Variants in HMCN1 observed in about 807,000 individuals in gnomAD.
HMCN1 encodes hemicentin 1, also known as hemicentin-1.
Under a neutral mutation model 625.9 loss-of-function variants are expected in HMCN1, and 321 were observed. The observed-to-expected ratio is 0.51, with a 90% CI of 0.47 to 0.56. HMCN1 has a LOEUF of 0.56. Ranked by LOEUF, HMCN1 falls within the 20% of genes least tolerant of loss-of-function variation. The pLI is 0.00. For missense variants in HMCN1, 6,588 were observed against 6,887.3 expected, an observed-to-expected ratio of 0.96 and a Z score of 1.54; for synonymous variants, 2,425 against 2,417.6, an observed-to-expected ratio of 1.00 and a Z score of -0.09.
chr1:185,896,029 A>G (rs112996014), intron 4 of HMCN1, among the ~76,000 whole-genome samples: 9,591 of 151,428 alleles, frequency 0.063, 1,067 homozygotes, highest in African/African-American at 0.22. Flanking sequence ...TCTGCCTCCC[A>G]GGTTCGCACC....
At chr1:185,971,137 G>A (rs1298804142) in intron 15 of HMCN1, among the ~76,000 whole-genome samples, 1 of 152,186 alleles carries the variant, frequency 6.6e-6, no homozygotes, top group East Asian at 1.9e-4. Context: ...TCCCTACGAA[G>A]AGTCATCCAT....
intron 24 of HMCN1, among the ~76,000 whole-genome samples, chr1:185,996,984 A>C (rs1298240210): frequency 2.0e-5 from 3 of 152,176 alleles, no homozygotes; most frequent in Non-Finnish European, 4.4e-5. Flanking sequence ...AAAGGGGAAC[A>C]TGTTTGAGAA....
At chr1:185,875,317 A>AT (rs1663861962) in intron 4 of HMCN1, among the ~76,000 whole-genome samples, 2 of 152,016 alleles carry the variant, frequency 1.3e-5, no homozygotes, top group African/African-American at 2.4e-5. Context: ...AACACACCTC[A>AT]TATACTCATG....
chr1:185,995,569 A>C (rs1263529177), intron 24 of HMCN1, among the ~76,000 whole-genome samples: 1 of 152,156 alleles, frequency 6.6e-6, no homozygotes. Flanking sequence ...TGTCATGTTT[A>C]GGCGGTGATG....
chr1:185,796,789 A>G (rs1658415507), intron 1 of HMCN1, among the ~76,000 whole-genome samples: 1 of 152,228 alleles, frequency 6.6e-6, no homozygotes, highest in Non-Finnish European at 1.5e-5. Context: ...CCTATTGTGA[A>G]TAGTGCTGCA....
chr1:185,812,349 T>G (rs1041350202), intron 1 of HMCN1, among the ~76,000 whole-genome samples: 2 of 152,166 alleles, frequency 1.3e-5, no homozygotes, highest in African/African-American at 4.8e-5. Context: ...CTGCATCATC[T>G]TAAAAGCTAC....
At chr1:185,749,230 G>A (rs1311922812) in intron 1 of HMCN1, among the ~76,000 whole-genome samples, 1 of 152,224 alleles carries the variant, frequency 6.6e-6, no homozygotes, top group Non-Finnish European at 1.5e-5. Flanking sequence ...AAAGGACTTA[G>A]TATAATTGTC....
rs1040592604 is a variant in HMCN1, at chr1:185,822,274, T to C, written c.269-23752T>C. 4.6e-5 allele frequency among the ~76,000 whole-genome samples: 7 copies of C among 152,182 alleles called. No homozygotes were observed. In the East Asian group the frequency reaches 1.3e-3, roughly 29 times the overall value. ...AAATGTACCACTCTGGTGGGGGATG[T>C]TGATAATGGCGGAGGTTGTGGGGCG... On this transcript the variant is annotated intron_variant, in intron 1 of 106. Transcript: ENST00000271588.
intron 1 of HMCN1, among the ~76,000 whole-genome samples, chr1:185,805,950 A>G (rs1659146579): frequency 6.6e-6 from 1 of 152,108 alleles, no homozygotes; most frequent in African/African-American, 2.4e-5. Flanking sequence ...ACATAGAGCT[A>G]AAAAAGATCC....
At chr1:186,151,868 T>C in intron 95 of HMCN1, 125 bp downstream of exon 95, 1 of 951,140 alleles carries the variant, frequency 1.1e-6, no homozygotes, top group Non-Finnish European at 1.6e-6. Context: ...ATAAGTGATA[T>C]AAAAGCAATT....
chr1:185,916,213 C>A (rs1447818060), intron 6 of HMCN1, among the ~76,000 whole-genome samples: 2 of 152,116 alleles, frequency 1.3e-5, no homozygotes, highest in Non-Finnish European at 2.9e-5. Context: ...CAATGCCTAG[C>A]TCACAGTAGG....
rs760875305 is a variant in HMCN1 at position 186,152,779 on chromosome 1, C to T, written c.14926C>T (p.Arg4976Trp). The change falls in exon 96 of 107, where the codon CGG (arginine) becomes TGG (tryptophan). Residue 4976 changes from arginine to tryptophan, a missense_variant. Physicochemically the swap from Arg to Trp is moderately radical, Grantham distance 101. Coordinates refer to ENST00000271588, the MANE Select transcript of HMCN1 (RefSeq NM_031935.3). ...GEILQMSHIA[R>W]GLDSDGSLLL... ...AATCTTGCAGATGAGTCATATTGCC[C>T]GGGGCTTGGATTCCGATGGTTCTTT... is the stretch of plus-strand genomic sequence containing the variant. 3.0e-5 allele frequency: 48 copies of T among 1,613,722 alleles called. No individual in the cohort carries two copies. The highest frequency in any genetic ancestry group is 1.7e-4 in the Admixed American group (10 of 59,990).
intron 6 of HMCN1, among the ~76,000 whole-genome samples, chr1:185,918,418 A>C (rs1465105882): frequency 6.6e-6 from 1 of 152,126 alleles, no homozygotes; most frequent in African/African-American, 2.4e-5. Context: ...CTTTGTTCTA[A>C]CCGTGCTGGC....
At chr1:186,037,839 A>G in intron 36 of HMCN1, 95 bp from the exon 37 acceptor site, 1 of 773,570 alleles carries the variant, frequency 1.3e-6, no homozygotes. Flanking sequence ...GAAAAAAAGA[A>G]GAGAGGAAGA....
At chr1:185,940,234 G>A (rs1182598264) in intron 11 of HMCN1, among the ~76,000 whole-genome samples, 1 of 152,088 alleles carries the variant, frequency 6.6e-6, no homozygotes, top group East Asian at 1.9e-4. Flanking sequence ...TATCTTAACA[G>A]TAAGAGAAAC....
At chr1:186,138,155 C>T (rs1329171158) in intron 89 of HMCN1, among the ~76,000 whole-genome samples, 183 bp downstream of exon 89, 1 of 152,110 alleles carries the variant, frequency 6.6e-6, no homozygotes, top group African/African-American at 2.4e-5. Flanking sequence ...GTATGGCATT[C>T]ATTGATGTTA....
chr1:185,942,999 C>A (rs1316651398), intron 11 of HMCN1, among the ~76,000 whole-genome samples: 1 of 151,756 alleles, frequency 6.6e-6, no homozygotes, highest in African/African-American at 2.4e-5. Context: ...CTCAATACAA[C>A]ATTTCTGACA....
At chr1:186,007,803 C>G (rs1404640222) in intron 30 of HMCN1, among the ~76,000 whole-genome samples, 3 of 152,092 alleles carry the variant, frequency 2.0e-5, no homozygotes, top group Non-Finnish European at 4.4e-5. Context: ...ACATTATCAG[C>G]CTCTTCTGAG....
intron 1 of HMCN1, among the ~76,000 whole-genome samples, chr1:185,741,379 T>C (rs1013165064): frequency 3.9e-5 from 6 of 152,216 alleles, no homozygotes; most frequent in Non-Finnish European, 7.3e-5. Flanking sequence ...TTTTAGGTGT[T>C]AAAGTCTGAG....
Sources: gnomAD v4.1 joint callset for allele counts (sites outside exome capture counted in the v4.1 genomes callset) on GRCh38, gnomAD v4.1.1 for gene constraint, MANE v1.5 for transcripts, NCBI Gene and HGNC (gene_info 2026-07-23, HGNC 2026-07-21) for gene names.